The following SLC30A9 variants were observed in gnomAD, a reference collection of about 807,000 sequenced individuals.
The protein encoded by SLC30A9 is solute carrier family 30 member 9.
In SLC30A9, 58 loss-of-function variants were observed where a neutral mutation model predicts 87.5. That is an observed-to-expected ratio of 0.66 (90% CI 0.54 to 0.82). SLC30A9 has a LOEUF of 0.82. SLC30A9 is among the 40% of genes least tolerant of loss of function. The probability of loss-of-function intolerance (pLI) is 0.00; values close to 1 mark genes in which losing one functional copy is unlikely to be tolerated. For missense variants in SLC30A9, 557 were observed against 679.1 expected (o/e 0.82, Z 2.00); for synonymous variants, 234 against 233.0 (o/e 1.00, Z -0.04).
At chr4:42,054,779 A>T (rs572765232) in intron 9 of SLC30A9, among the ~76,000 whole-genome samples, 30 of 151,630 alleles carry the variant, frequency 2.0e-4, no homozygotes, top group African/African-American at 6.5e-4. Flanking sequence ...GGGATTACAG[A>T]CATGAGCCAC....
intron 8 of SLC30A9, among the ~76,000 whole-genome samples, chr4:42,045,356 AAC>A (rs1197502764): frequency 6.6e-6 from 1 of 152,048 alleles, no homozygotes; most frequent in East Asian, 1.9e-4. Flanking sequence ...TCAAATAGAC[AAC>A]AATGAAAAAT....
At chr4:42,066,188 A>G (rs1298629498) in intron 12 of SLC30A9, among the ~76,000 whole-genome samples, 1 of 152,090 alleles carries the variant, frequency 6.6e-6, no homozygotes, top group Non-Finnish European at 1.5e-5. Flanking sequence ...ACAGATCCTA[A>G]TTGTATATGT....
chr4:42,047,360 C>A (rs986850899), intron 8 of SLC30A9, among the ~76,000 whole-genome samples: 1 of 152,158 alleles, frequency 6.6e-6, no homozygotes, highest in African/African-American at 2.4e-5. Flanking sequence ...CCAGAATCTA[C>A]AAGGAACTTA....
At chr4:42,004,106 T>G (rs1168996969) in intron 2 of SLC30A9, among the ~76,000 whole-genome samples, 1 of 152,220 alleles carries the variant, frequency 6.6e-6, no homozygotes, top group Admixed American at 6.5e-5. Flanking sequence ...CTGAGGATCT[T>G]TTGTGGGAAA....
chr4:42,009,020 G>T (rs1715332311), intron 2 of SLC30A9, among the ~76,000 whole-genome samples: 1 of 152,136 alleles, frequency 6.6e-6, no homozygotes, highest in Non-Finnish European at 1.5e-5. Flanking sequence ...TAAGGGAAAA[G>T]AAATAGTGAT....
intron 9 of SLC30A9, 117 bp from the exon 10 acceptor site, chr4:42,060,074 A>C: frequency 7.2e-6 from 5 of 697,932 alleles, no homozygotes; most frequent in Non-Finnish European, 1.0e-5. Flanking sequence ...GTCATTGGAC[A>C]TGCATATGTT....
intron 16 of SLC30A9, among the ~76,000 whole-genome samples, chr4:42,077,239 G>A (rs950230333): frequency 2.0e-5 from 3 of 152,064 alleles, no homozygotes; most frequent in African/African-American, 7.2e-5. Flanking sequence ...CAGTTTGATA[G>A]GTGTGAAATA....
rs1029299576 is a variant in SLC30A9 at position 42,038,969 on chromosome 4, T to C, written c.670-17T>C. ...AAAATTTTGGAGGTATTAAAAAAAG[T>C]TTTTGTTTTTTTACAGCCACGCTCC... On this transcript the variant is annotated splice_polypyrimidine_tract_variant and intron_variant, in intron 7 of 17. Coordinates refer to ENST00000264451, the MANE Select transcript of SLC30A9 (RefSeq NM_006345.4). 16 of 1,610,398 alleles carry C rather than the reference T, an allele frequency of 9.9e-6. No individual in the cohort carries two copies. The highest frequency in any genetic ancestry group is 1.1e-5 in the Non-Finnish European group (13 of 1,177,240).
At chr4:41,995,736 G>A (rs1284103145) in intron 1 of SLC30A9, among the ~76,000 whole-genome samples, 1 of 152,178 alleles carries the variant, frequency 6.6e-6, no homozygotes, top group Non-Finnish European at 1.5e-5. Flanking sequence ...TTGAGAAAGG[G>A]TCTTGCTCTG....
chr4:42,073,867 A>T (rs556650682), intron 15 of SLC30A9, among the ~76,000 whole-genome samples: 1 of 152,352 alleles, frequency 6.6e-6, no homozygotes, highest in Admixed American at 6.5e-5. Context: ...AGAGGAGATC[A>T]CACAAGGGCT....
intron 2 of SLC30A9, among the ~76,000 whole-genome samples, chr4:42,016,795 GTCTATCTA>G (rs34586662): frequency 0.95 from 144,646 of 151,668 alleles, 69,098 homozygotes; most frequent in East Asian, 1. Context: ...ATATAACATG[GTCTATCTA>G]TCTATCTATC....
chr4:42,023,035 A>G, intron 5 of SLC30A9, 105 bp downstream of exon 5: 1 of 616,920 alleles, frequency 1.6e-6, no homozygotes, highest in East Asian at 2.8e-5. Context: ...TTTAAAAACA[A>G]TATTTTTGTA....
At chr4:42,005,153 G>A (rs193297788) in intron 2 of SLC30A9, among the ~76,000 whole-genome samples, 1 of 152,128 alleles carries the variant, frequency 6.6e-6, no homozygotes, top group African/African-American at 2.4e-5. Context: ...TCTTATTCAT[G>A]ATGTCGTACC....
chr4:42,059,545 T>C (rs1261998959), intron 9 of SLC30A9, among the ~76,000 whole-genome samples: 1 of 151,996 alleles, frequency 6.6e-6, no homozygotes, highest in East Asian at 1.9e-4. Context: ...CTGTGCATGG[T>C]TTTGCAGTTT....
intron 2 of SLC30A9, among the ~76,000 whole-genome samples, chr4:42,016,542 A>T (rs1350051033): frequency 6.6e-6 from 1 of 152,130 alleles, no homozygotes; most frequent in Admixed American, 6.5e-5. Context: ...TATTGTATAT[A>T]TTCTTTTGTG....
chr4:41,998,864 A>G lies in SLC30A9; in HGVS notation c.110-2752A>G, dbSNP rs778972170. 1.5e-4 allele frequency among the ~76,000 whole-genome samples: 23 copies of G among 152,292 alleles called. No homozygotes were observed. In the East Asian group the frequency reaches 2.9e-3, roughly 19 times the overall value. On this transcript the variant is annotated intron_variant, in intron 1 of 17. Transcript: ENST00000264451. ...AATGTGCTTCAGTATAGTTTTTATA[A>G]TATACAATATTAGGTGGTAAATGTA...
At chr4:42,050,241 A>C (rs1255268064) in intron 9 of SLC30A9, among the ~76,000 whole-genome samples, 1 of 152,188 alleles carries the variant, frequency 6.6e-6, no homozygotes, top group Non-Finnish European at 1.5e-5. Flanking sequence ...TCATAAAAGT[A>C]AGGAAAGAAG....
At chr4:42,070,247 G>T in intron 14 of SLC30A9, 2 of 270,156 alleles carry the variant, frequency 7.4e-6, no homozygotes, top group African/African-American at 2.2e-5. Context: ...TTGTATTGGT[G>T]TCTCTAATCT....
intron 2 of SLC30A9, among the ~76,000 whole-genome samples, chr4:42,011,297 GAGAAC>G (rs1440191908): frequency 6.6e-6 from 1 of 152,190 alleles, no homozygotes; most frequent in Non-Finnish European, 1.5e-5. Flanking sequence ...TCACTATCAT[GAGAAC>G]AGCATGGGGG....
Sources: allele counts gnomAD v4.1 joint callset (sites outside exome capture counted in the v4.1 genomes callset), GRCh38; gene constraint gnomAD v4.1.1; transcripts MANE v1.5; gene names NCBI Gene and HGNC (gene_info 2026-07-23, HGNC 2026-07-21).